LMNB2: variants seen among roughly 807,000 people sequenced by gnomAD.
The protein encoded by LMNB2 is lamin B2.
In LMNB2, 17 loss-of-function variants were observed where a neutral mutation model predicts 69.3. The ratio of observed to expected loss-of-function variants is 0.25; its 90% CI spans 0.17 to 0.37. LMNB2 has a LOEUF of 0.37. Among genes scored for constraint, LMNB2 ranks in the 10% least tolerant of loss-of-function variants. LMNB2 has a pLI of 1.00. For synonymous variants in LMNB2, 397 were observed against 389.3 expected, an observed-to-expected ratio of 1.02 and a Z score of -0.23; for missense variants, 789 against 883.6, an observed-to-expected ratio of 0.89 and a Z score of 1.36.
intron 8 of LMNB2, among the ~76,000 whole-genome samples, 186 bp from the exon 9 acceptor site, chr19:2,432,709 A>C (rs1380330849): frequency 7.0e-6 from 1 of 143,362 alleles, no homozygotes; most frequent in Non-Finnish European, 1.5e-5. Context: ...CGGCCCTGTC[A>C]CCCTGACCCT....
At chr19:2,448,235 C>T (rs1471417572) in intron 1 of LMNB2, among the ~76,000 whole-genome samples, 1 of 152,216 alleles carries the variant, frequency 6.6e-6, no homozygotes, top group African/African-American at 2.4e-5. Flanking sequence ...AGCTGGGCAC[C>T]AGGTGCAGGC....
chr19:2,452,266 C>T (rs1001122067), intron 1 of LMNB2, among the ~76,000 whole-genome samples: 65 of 152,138 alleles, frequency 4.3e-4, no homozygotes, highest in African/African-American at 1.5e-3. Flanking sequence ...CTCCTGCGGG[C>T]AGGAAAGAAG....
At chr19:2,432,330 C>G in intron 9 of LMNB2, 86 bp downstream of exon 9, 1 of 859,452 alleles carries the variant, frequency 1.2e-6, no homozygotes, top group South Asian at 1.3e-5. Context: ...CCCCACCCAC[C>G]CCCGCCAAGT....
At chr19:2,448,389 G>A (rs1242445618) in intron 1 of LMNB2, among the ~76,000 whole-genome samples, 1 of 152,172 alleles carries the variant, frequency 6.6e-6, no homozygotes, top group Admixed American at 6.5e-5. Flanking sequence ...ACGAGGCAGA[G>A]GGGCCAGGAT....
chr19:2,429,089 T>G lies in LMNB2; in HGVS notation c.*1822A>C, dbSNP rs1971699300. ...CACAGACCAACTCCAGGATACAGCTTTGCTCCTCCAGAGCCAAAATACATA... is the reference window on the plus strand; with the variant it reads ...CACAGACCAACTCCAGGATACAGCTGTGCTCCTCCAGAGCCAAAATACATA... On this transcript the variant is annotated 3_prime_UTR_variant, in exon 12 of 12. Transcript: ENST00000325327. 6.6e-6 allele frequency: 1 copy of G among 152,220 alleles called. No homozygotes were observed. The highest frequency in any genetic ancestry group is 2.4e-5 in the African/African-American group (1 of 41,420). The allele number at this position is 152,220 out of a possible 1,614,324, so 9.4% of individuals were successfully genotyped here.
chr19:2,441,791 G>C (rs1476462531), intron 2 of LMNB2, among the ~76,000 whole-genome samples: 1 of 152,240 alleles, frequency 6.6e-6, no homozygotes. Context: ...TGAAGGAGCA[G>C]TGCTGGAGGA....
At chr19:2,451,348 A>G (rs565074135) in intron 1 of LMNB2, among the ~76,000 whole-genome samples, 1 of 152,350 alleles carries the variant, frequency 6.6e-6, no homozygotes, top group East Asian at 1.9e-4. Context: ...TTTTATTGAC[A>G]CATAGCAGCA....
chr19:2,438,611 A>C, intron 2 of LMNB2, 80 bp from the exon 3 acceptor site: 1 of 1,536,400 alleles, frequency 6.5e-7, no homozygotes, highest in East Asian at 2.3e-5. Context: ...GCGTCAGGCA[A>C]GCCCAAAGAC....
chr19:2,435,089 A>G lies in LMNB2; in HGVS notation c.767T>C (p.Met256Thr). Residue 256 changes from methionine to threonine, a missense_variant, in exon 5 of 12, where the codon ATG becomes ACG. Met to Thr is a moderately conservative substitution (Grantham distance 81). This residue lies in a region of LMNB2 where 609 missense variants were observed against 630.9 expected (regional missense o/e 0.97). Coordinates refer to ENST00000325327, the MANE Select transcript of LMNB2 (RefSeq NM_032737.4). ...SSRQQEYDFKMAQALEELRSQ... is the reference protein window; with the variant it reads ...SSRQQEYDFKTAQALEELRSQ... ...CCGCAGCTCCTCCAGCGCCTGTGCC[A>G]TCTTGAAGTCGTACTCCTGCTGCCG... 6.2e-7 allele frequency: 1 copy of G among 1,610,096 alleles called. No individual in the cohort carries two copies. Among genetic ancestry groups the G allele is most frequent in the South Asian group, 1.1e-5 (1 of 91,076 alleles).
rs564692673 is a variant in LMNB2, at chr19:2,446,208, C to T, written c.265-1668G>A. ...ATCTGTAGTCAGAGTCTCCAGCTCC[C>T]CACCCCACCAGCGGCCCCCACCTTT... On this transcript the variant is annotated intron_variant, in intron 1 of 11. Transcript: ENST00000325327. Among the ~76,000 whole-genome samples the T allele has an allele frequency of 3.4e-5, 5 of 148,774 alleles. No individual in the cohort carries two copies. The South Asian group carries it at 1.1e-3, about 32-fold the overall frequency.
In LMNB2 at chr19:2,456,673, G is replaced by A. The variant is rs1439479338; in HGVS notation, c.261C>T (p.Arg87=). Residue 87 remains arginine, a synonymous_variant, in exon 1 of 12, where the codon CGC becomes CGT. Transcript: ENST00000325327. The stretch of plus-strand genomic sequence containing the variant: ...GCCCCTAAGCCCCGGCGCCCACCTC[G>A]CGCGTGGTCACCTCCTCCTTCTCTG... ...KISEKEEVTT[R]EVSGIKALYE... 6.5e-7 allele frequency: 1 copy of A among 1,535,500 alleles called. No individual in the cohort carries two copies. The highest frequency in any genetic ancestry group is 8.8e-7 in the Non-Finnish European group (1 of 1,141,458).
rs764798344 is a variant in LMNB2, at chr19:2,433,898, G to T, written c.1410C>A (p.Ala470=). The T allele has an allele frequency of 6.2e-7, 1 of 1,612,418 alleles. No homozygotes were observed. The highest frequency in any genetic ancestry group is 8.5e-7 in the Non-Finnish European group (1 of 1,179,412). Residue 470 remains alanine, a synonymous_variant, in exon 8 of 12, where the codon GCC becomes GCA. Coordinates refer to ENST00000325327, the MANE Select transcript of LMNB2 (RefSeq NM_032737.4). ...TCTCCTCGATGCTGACGCTACCCGA[G>T]GCCGAGGCCTGCTGGGCCAGGTGGA... ...GGFHLAQQAS[A]SGSVSIEEID...
chr19:2,436,558 C>T (rs370571957), intron 4 of LMNB2, among the ~76,000 whole-genome samples: 1 of 149,138 alleles, frequency 6.7e-6, no homozygotes, highest in Admixed American at 6.7e-5. Context: ...CCTGCACAGC[C>T]GCCCTCCCGC....
chr19:2,440,570 TCATC>T (rs962835824), intron 2 of LMNB2, among the ~76,000 whole-genome samples: 3 of 151,722 alleles, frequency 2.0e-5, no homozygotes, highest in Non-Finnish European at 4.4e-5. Context: ...CATCCACCCA[TCATC>T]CATCCATCCA....
intron 5 of LMNB2, 37 bp from the exon 6 acceptor site, chr19:2,434,950 C>A: frequency 6.3e-7 from 1 of 1,586,196 alleles, no homozygotes. Flanking sequence ...GGGCGCGGGG[C>A]GGGGCGGGGT....
intron 2 of LMNB2, among the ~76,000 whole-genome samples, chr19:2,439,071 A>C (rs1971862523): frequency 1.9e-5 from 2 of 106,438 alleles, no homozygotes; most frequent in Admixed American, 1.3e-4. Context: ...TTTTTAAGAG[A>C]CAGGGGTTCA....
chr19:2,433,640 G>A (rs553796278), intron 8 of LMNB2, among the ~76,000 whole-genome samples, 186 bp downstream of exon 8: 2 of 62,866 alleles, frequency 3.2e-5, no homozygotes, highest in South Asian at 6.6e-4. Flanking sequence ...CGTATTGGCC[G>A]GCGGCCCCGT....
chr19:2,431,873 G>A lies in LMNB2; in HGVS notation c.1620C>T (p.His540=), dbSNP rs1468898887. 1 of 1,612,852 alleles carries A rather than the reference G, an allele frequency of 6.2e-7. No homozygotes were observed. The highest frequency in any genetic ancestry group is 8.5e-7 in the Non-Finnish European group (1 of 1,179,896). Residue 540 remains histidine (H), a synonymous_variant, in exon 10 of 12, where the codon CAC becomes CAT. Coordinates refer to ENST00000325327, the MANE Select transcript of LMNB2 (RefSeq NM_032737.4). ...TVWAAGAGVA[H]SPPSTLVWKG... is the part of the protein sequence containing the mutation. ...TCCACACCAGCGTCGAGGGGGGGCT[G>A]TGGGCCACCCCCGCACCAGCTGCCC...
rs60073269 is a variant in LMNB2 at position 2,431,172 on chromosome 19, G to A, written c.1822-220C>T. 0.06 allele frequency among the ~76,000 whole-genome samples: 9,062 copies of A among 152,272 alleles called. 425 individuals carry two copies. Among genetic ancestry groups the A allele is most frequent in the East Asian group, 0.26 (1,346 of 5,182 alleles). On this transcript the variant is annotated intron_variant, in intron 11 of 11. Transcript: ENST00000325327. Reference sequence around the variant, plus strand: ...ACAGTCACAGGAACTTGCGACGCACGCGTTTAATGCAGCTGTGGTTTCTGC... The same window carrying A: ...ACAGTCACAGGAACTTGCGACGCACACGTTTAATGCAGCTGTGGTTTCTGC...
Sources: gnomAD v4.1 joint callset for allele counts (sites outside exome capture counted in the v4.1 genomes callset) on GRCh38, gnomAD v4.1.1 for gene constraint, gnomAD v4.1.1 regional missense constraint, MANE v1.5 for transcripts, NCBI Gene and HGNC (gene_info 2026-07-23, HGNC 2026-07-21) for gene names.